Variants in RANBP2 observed in about 807,000 individuals in gnomAD.
RANBP2 encodes RAN binding protein 2, also known as E3 SUMO-protein ligase RanBP2.
Under a neutral mutation model 303.6 loss-of-function variants are expected in RANBP2, and 57 were observed. The observed-to-expected ratio is 0.19, with a 90% CI of 0.15 to 0.23. The LOEUF is 0.23. Among genes scored for constraint, RANBP2 ranks in the 10% least tolerant of loss-of-function variants. The probability of loss-of-function intolerance (pLI) is 1.00; values close to 1 mark genes in which losing one functional copy is unlikely to be tolerated. For synonymous variants in RANBP2, 1,167 were observed against 1,301.5 expected (o/e 0.90, Z 2.23); for missense variants, 3,138 against 3,780.8 (o/e 0.83, Z 4.46).
chr2:109,257,363 AAGG>A, the RANBP2 span, among the ~76,000 whole-genome samples: 2 of 151,028 alleles, frequency 1.3e-5, no homozygotes, highest in African/African-American at 4.9e-5. Context: ...GGAATGAAAG[AAGG>A]AGAGGGAGGG....
chr2:108,853,882 T>G, the RANBP2 span, among the ~76,000 whole-genome samples: 58 of 123,274 alleles, frequency 4.7e-4, 1 homozygote, highest in African/African-American at 1.8e-3. Flanking sequence ...CTATATAATA[T>G]ATTATATAGT....
chr2:109,129,647 C>A, the RANBP2 span: 1 of 1,499,058 alleles, frequency 6.7e-7, no homozygotes, highest in Admixed American at 2.2e-5. Context: ...CGTCGGGCGG[C>A]GGCCACCGCC....
the RANBP2 span, among the ~76,000 whole-genome samples, chr2:109,267,360 A>AGG: frequency 6.6e-6 from 1 of 152,178 alleles, no homozygotes; most frequent in African/African-American, 2.4e-5. Context: ...AAGACCCCAA[A>AGG]GGTGATCACT....
the RANBP2 span, among the ~76,000 whole-genome samples, chr2:109,321,127 GAC>G: frequency 6.6e-6 from 1 of 152,232 alleles, no homozygotes; most frequent in Non-Finnish European, 1.5e-5. Flanking sequence ...AAGACTCACG[GAC>G]ACACAAGACG....
the RANBP2 span, among the ~76,000 whole-genome samples, chr2:109,664,381 G>A: frequency 6.6e-6 from 1 of 151,916 alleles, no homozygotes; most frequent in African/African-American, 2.4e-5. Flanking sequence ...CGAGGCGGGC[G>A]GATCATGAGG....
At chr2:109,428,274 G>A in the RANBP2 span, among the ~76,000 whole-genome samples, 2 of 152,250 alleles carry the variant, frequency 1.3e-5, no homozygotes, top group African/African-American at 2.4e-5. Flanking sequence ...TGAAATTAGC[G>A]AAGGCACTAA....
the RANBP2 span, among the ~76,000 whole-genome samples, chr2:109,178,792 A>G: frequency 6.6e-6 from 1 of 152,200 alleles, no homozygotes; most frequent in Non-Finnish European, 1.5e-5. Flanking sequence ...CTCTGGCAGC[A>G]CAAAATGTTT....
the RANBP2 span, among the ~76,000 whole-genome samples, chr2:109,224,304 A>G: frequency 6.6e-6 from 1 of 152,384 alleles, no homozygotes; most frequent in African/African-American, 2.4e-5. Context: ...TAGTGATGCT[A>G]AAACTATATG....
At chr2:109,432,711 A>G in the RANBP2 span, 1 of 1,589,764 alleles carries the variant, frequency 6.3e-7, no homozygotes, top group Admixed American at 1.7e-5. Flanking sequence ...AGGAGAGGGC[A>G]AGGGCCTGCA....
At chr2:109,725,314 C>G in the RANBP2 span, among the ~76,000 whole-genome samples, 1 of 152,184 alleles carries the variant, frequency 6.6e-6, no homozygotes, top group Non-Finnish European at 1.5e-5. Context: ...CACATCCACT[C>G]CACAGGGTGA....
At chr2:109,282,883 G>C in the RANBP2 span, among the ~76,000 whole-genome samples, 2 of 152,122 alleles carry the variant, frequency 1.3e-5, no homozygotes. Context: ...TGGGGAGTCT[G>C]ATGGCCCCTG....
chr2:109,358,983 G>T, the RANBP2 span, among the ~76,000 whole-genome samples: 305 of 152,042 alleles, frequency 2.0e-3, 1 homozygote, highest in Admixed American at 3.1e-3. Context: ...TTTATTTCTA[G>T]ATTTTTTGCA....
chr2:109,687,052 A>G, the RANBP2 span, among the ~76,000 whole-genome samples: 4 of 152,230 alleles, frequency 2.6e-5, no homozygotes, highest in African/African-American at 9.6e-5. Context: ...ATAGTCCCAT[A>G]AATGTTTTAT....
the RANBP2 span, among the ~76,000 whole-genome samples, chr2:109,440,432 G>A: frequency 6.6e-6 from 1 of 152,214 alleles, no homozygotes; most frequent in Non-Finnish European, 1.5e-5. Flanking sequence ...ACCACGTAAG[G>A]AATTTAGATG....
chr2:109,286,620 C>T, the RANBP2 span, among the ~76,000 whole-genome samples: 3 of 152,202 alleles, frequency 2.0e-5, no homozygotes, highest in African/African-American at 7.2e-5. Context: ...GGAGCTTCCA[C>T]ACCCATGATT....
the RANBP2 span, among the ~76,000 whole-genome samples, chr2:109,212,595 A>G: frequency 6.6e-6 from 1 of 152,184 alleles, no homozygotes; most frequent in African/African-American, 2.4e-5. Context: ...TGACCCACAC[A>G]TTTGACAGAT....
At chr2:108,824,873 A>G in the RANBP2 span, among the ~76,000 whole-genome samples, 2 of 152,284 alleles carry the variant, frequency 1.3e-5, no homozygotes, top group South Asian at 2.1e-4. Flanking sequence ...CTGCATTATA[A>G]TCTCATGGGA....
chr2:109,070,895 C>G, the RANBP2 span, among the ~76,000 whole-genome samples: 1 of 151,746 alleles, frequency 6.6e-6, no homozygotes, highest in Non-Finnish European at 1.5e-5. Flanking sequence ...GGCACCCCTC[C>G]CTTCCCACTG....
At chr2:108,932,118 T>C in the RANBP2 span, among the ~76,000 whole-genome samples, 4 of 152,218 alleles carry the variant, frequency 2.6e-5, no homozygotes, top group Admixed American at 1.3e-4. Flanking sequence ...GACGAACATA[T>C]GCCATGATGC....
Sources: allele counts gnomAD v4.1 joint callset (sites outside exome capture counted in the v4.1 genomes callset), GRCh38; gene constraint gnomAD v4.1.1; transcripts MANE v1.5; gene names NCBI Gene and HGNC (gene_info 2026-07-23, HGNC 2026-07-21).